The following DHX37 variants were observed in gnomAD, a reference collection of about 807,000 sequenced individuals.
DHX37 encodes probable ATP-dependent RNA helicase DHX37.
A neutral mutation model predicts 134.3 loss-of-function variants in DHX37; 52 were observed. The ratio of observed to expected loss-of-function variants is 0.39; its 90% CI spans 0.31 to 0.49. The LOEUF is 0.49. Ranked by LOEUF, DHX37 falls within the 20% of genes least tolerant of loss-of-function variation. The pLI, the probability that DHX37 is intolerant of heterozygous loss-of-function variation, is 0.93. For synonymous variants in DHX37, 634 were observed against 670.7 expected (o/e 0.95, Z 0.85); for missense variants, 1,344 against 1,580.8 (o/e 0.85, Z 2.54).
In DHX37 at chr12:124,986,257, T is replaced by C; in HGVS notation, c.115A>G (p.Thr39Ala). 1 of 1,613,618 alleles carries C rather than the reference T, an allele frequency of 6.2e-7. No individual in the cohort carries two copies. The highest frequency in any genetic ancestry group is 8.5e-7 in the Non-Finnish European group (1 of 1,179,944). Residue 39 changes from threonine (T) to alanine (A), a missense_variant, in exon 2 of 27, where the codon ACG (threonine) becomes GCG (alanine). Thr to Ala is a moderately conservative substitution (Grantham distance 58, BLOSUM62 0). Transcript: ENST00000308736. ...PVQLELEDKD[T>A]LKGVDASNAL... ...TTGCTTGCATCAACTCCCTTCAACG[T>C]GTCCTTGTCTGAGAGAGCACAGTTA...
chr12:124,962,617 T>C (rs1028726279), intron 15 of DHX37, among the ~76,000 whole-genome samples: 1 of 151,360 alleles, frequency 6.6e-6, no homozygotes, highest in Non-Finnish European at 1.5e-5. Context: ...GATTGAACCA[T>C]TGCATTCTAG....
intron 13 of DHX37, 118 bp from the exon 14 acceptor site, chr12:124,965,124 G>T: frequency 8.7e-7 from 1 of 1,149,110 alleles, no homozygotes; most frequent in Non-Finnish European, 1.2e-6. Context: ...TCTTTGCCCT[G>T]CTGCAGAGGC....
intron 16 of DHX37, among the ~76,000 whole-genome samples, chr12:124,958,233 A>C (rs181135837): frequency 2.0e-5 from 3 of 152,210 alleles, no homozygotes; most frequent in Admixed American, 2.0e-4. Context: ...CCTGAACTCT[A>C]TCTCAATAAA....
At chr12:124,954,271 G>A (rs370360134) in intron 18 of DHX37, 60 bp from the exon 19 acceptor site, 39 of 1,513,404 alleles carry the variant, frequency 2.6e-5, no homozygotes, top group Non-Finnish European at 3.0e-5. Context: ...GGGCCTCAGC[G>A]GGGGGAACTC....
At chr12:124,955,715 G>A (rs369984013) in intron 18 of DHX37, among the ~76,000 whole-genome samples, 4 of 152,356 alleles carry the variant, frequency 2.6e-5, no homozygotes, top group South Asian at 2.1e-4. Context: ...ACAGGGAAAC[G>A]TCTGGAACTG....
intron 20 of DHX37, 195 bp from the exon 21 acceptor site, chr12:124,952,765 T>A: frequency 2.3e-6 from 1 of 442,828 alleles, no homozygotes; most frequent in Non-Finnish European, 3.8e-6. Context: ...CATTCCCTCC[T>A]TCTCCCTTGG....
At position 124,969,170 on chromosome 12, in the gene DHX37, G is replaced by A. The variant is rs1035621988; in HGVS notation, c.1192-202C>T. Reference sequence around the variant, plus strand: ...CCAGGGCGGTGGCTTGTTCCAGGGGGTCTTTCAGAGTCAGGCTTTGATGGT... The same window carrying A: ...CCAGGGCGGTGGCTTGTTCCAGGGGATCTTTCAGAGTCAGGCTTTGATGGT... On this transcript the variant is annotated intron_variant, in intron 8 of 26. Transcript: ENST00000308736. Among the ~76,000 whole-genome samples the A allele has an allele frequency of 2.6e-5, 4 of 152,200 alleles. No individual in the cohort carries two copies. In the South Asian group the frequency reaches 8.3e-4, roughly 31 times the overall value.
In DHX37 at chr12:124,982,548, TG is replaced by T; in HGVS notation, c.351del (p.Lys118SerfsTer2). The T allele has an allele frequency of 6.2e-7, 1 of 1,613,774 alleles. No individual in the cohort carries two copies. Among genetic ancestry groups the T allele is most frequent in the Non-Finnish European group, 8.5e-7 (1 of 1,179,814 alleles). On this transcript the variant is annotated frameshift_variant, in exon 3 of 27. Transcript: ENST00000308736. LOFTEE classifies it high-confidence loss of function. ...TACATGCGGTTCCCAGTGCCTAGCT[TG>T]GAAGTGGTATAAAAGAGTCTCATCT... is the stretch of plus-strand genomic sequence containing the variant. The part of the protein sequence containing the change: ...EAEMRLFYTT[S>X]KLGTGNRMYH...
intron 18 of DHX37, among the ~76,000 whole-genome samples, chr12:124,956,283 T>A (rs1201303256): frequency 6.6e-6 from 1 of 152,174 alleles, no homozygotes; most frequent in Non-Finnish European, 1.5e-5. Flanking sequence ...CTTGAGAAAC[T>A]CAAGTTGCTT....
At chr12:124,979,142 G>C (rs1252479113) in intron 4 of DHX37, among the ~76,000 whole-genome samples, 1 of 151,908 alleles carries the variant, frequency 6.6e-6, no homozygotes, top group African/African-American at 2.4e-5. Context: ...CTGAGTTTGG[G>C]AGTTGCCTGA....
At chr12:124,960,771 T>C (rs4765010) in intron 15 of DHX37, among the ~76,000 whole-genome samples, 56,004 of 152,022 alleles carry the variant, frequency 0.37, 10,738 homozygotes, top group East Asian at 0.64. Context: ...CTGGCCAACA[T>C]GGGGAAACCC....
intron 20 of DHX37, chr12:124,952,964 C>T (rs1954005251): frequency 6.5e-6 from 1 of 154,992 alleles, no homozygotes; most frequent in Non-Finnish European, 1.4e-5. Flanking sequence ...TCCTTCCCTT[C>T]TCTTGCCTGG....
chr12:124,973,390 T>A (rs1366476822), intron 6 of DHX37, among the ~76,000 whole-genome samples: 3 of 149,706 alleles, frequency 2.0e-5, no homozygotes, highest in African/African-American at 7.4e-5. Flanking sequence ...GGTGACAAAG[T>A]GAAACTCCGT....
chr12:124,956,982 G>C (rs367914590), intron 17 of DHX37, 47 bp downstream of exon 17: 1 of 1,522,816 alleles, frequency 6.6e-7, no homozygotes, highest in African/African-American at 1.4e-5. Flanking sequence ...AAGGGAGAGA[G>C]GGCCCTGAAC....
chr12:124,953,561 A>C, intron 20 of DHX37: 1 of 356,954 alleles, frequency 2.8e-6, no homozygotes. Context: ...GGTCTGGGGG[A>C]CATGTGGGAG....
At chr12:124,987,509 C>T (rs1184043026) in intron 1 of DHX37, among the ~76,000 whole-genome samples, 1 of 152,192 alleles carries the variant, frequency 6.6e-6, no homozygotes, top group African/African-American at 2.4e-5. Context: ...TCAGGTGGTC[C>T]AGTTCCAAGT....
Position 124,975,483 on chromosome 12 carries a change from G to C in DHX37, c.916C>G (p.Pro306Ala), listed in dbSNP as rs1287807287. Residue 306 changes from proline (P) to alanine (A), a missense_variant, in exon 6 of 27, where the codon CCC becomes GCC. Transcript: ENST00000308736. Reference sequence around the variant, plus strand: ...ATGGCCACGGCGGCCACTCGGCGGGGCTCCGTGACACCGATGATGCTGTCT... The same window carrying C: ...ATGGCCACGGCGGCCACTCGGCGGGCCTCCGTGACACCGATGATGCTGTCT... ...SEDSIIGVTE[P>A]RRVAAVAMSQ... 8 of 1,612,556 alleles carry C rather than the reference G, an allele frequency of 5.0e-6. No homozygotes were observed. In the Admixed American group the frequency reaches 6.7e-5, roughly 13 times the overall value.
chr12:124,954,233 G>A (rs762727129), intron 18 of DHX37, 22 bp from the exon 19 acceptor site: 7 of 1,547,380 alleles, frequency 4.5e-6, no homozygotes, highest in Non-Finnish European at 6.1e-6. Flanking sequence ...CATACATACT[G>A]TCTGGGCTGG....
intron 1 of DHX37, among the ~76,000 whole-genome samples, chr12:124,988,246 G>A (rs562686785): frequency 6.6e-6 from 1 of 152,068 alleles, no homozygotes; most frequent in African/African-American, 2.4e-5. Context: ...GACCTGCCCT[G>A]GCCCCCTGTT....
Sources: gnomAD v4.1 joint callset for allele counts (sites outside exome capture counted in the v4.1 genomes callset) on GRCh38, gnomAD v4.1.1 for gene constraint, MANE v1.5 for transcripts, NCBI Gene and HGNC (gene_info 2026-07-23, HGNC 2026-07-21) for gene names.